BCL11A: variants seen among roughly 807,000 people sequenced by gnomAD.
The protein encoded by BCL11A is B cell CLL/lymphoma 11A.
A neutral mutation model predicts 55.9 loss-of-function variants in BCL11A; 2 were observed. The ratio of observed to expected loss-of-function variants is 0.04; its 90% CI spans 0.01 to 0.11. The LOEUF (loss-of-function observed/expected upper bound fraction) is 0.11. BCL11A is among the 10% of genes least tolerant of loss of function. BCL11A has a pLI of 1.00. For missense variants in BCL11A, 817 were observed against 1,137.1 expected (o/e 0.72, Z 4.05); for synonymous variants, 465 against 473.4 (o/e 0.98, Z 0.23).
intron 1 of BCL11A, chr2:60,550,024 G>C (rs1346095504): frequency 1.3e-5 from 2 of 152,062 alleles, no homozygotes. Context: ...GGGGGGTGTC[G>C]GGCTGCAGAG....
At chr2:60,488,863 G>A (rs1398150876) in intron 2 of BCL11A, among the ~76,000 whole-genome samples, 3 of 152,172 alleles carry the variant, frequency 2.0e-5, no homozygotes, top group Admixed American at 1.3e-4. Flanking sequence ...GGGTTCAAGC[G>A]ATTCTCCTGC....
intron 2 of BCL11A, among the ~76,000 whole-genome samples, chr2:60,473,470 A>AG (rs960824641): frequency 1.2e-3 from 179 of 152,242 alleles, no homozygotes; most frequent in African/African-American, 3.9e-3. Context: ...TCTTCCATGT[A>AG]CCACCTTCTA....
intron 2 of BCL11A, among the ~76,000 whole-genome samples, chr2:60,499,467 C>G (rs1240869039): frequency 6.6e-6 from 1 of 152,178 alleles, no homozygotes; most frequent in Non-Finnish European, 1.5e-5. Flanking sequence ...AGATAAAGAG[C>G]CTGAGGCCCA....
chr2:60,492,615 CCTCT>C (rs3028027), intron 2 of BCL11A, among the ~76,000 whole-genome samples: 138 of 144,480 alleles, frequency 9.6e-4, no homozygotes, highest in African/African-American at 2.4e-3. Context: ...AGTGGGCCTC[CCTCT>C]CTCTCTCTCT....
At chr2:60,515,081 T>C (rs1048712345) in intron 2 of BCL11A, among the ~76,000 whole-genome samples, 1 of 152,090 alleles carries the variant, frequency 6.6e-6, no homozygotes, top group Non-Finnish European at 1.5e-5. Flanking sequence ...AACTCCAAAG[T>C]GTTGCCCAGA....
intron 2 of BCL11A, among the ~76,000 whole-genome samples, chr2:60,517,638 C>A (rs1455521919): frequency 6.6e-6 from 1 of 152,226 alleles, no homozygotes; most frequent in Non-Finnish European, 1.5e-5. Flanking sequence ...CTCCTGCTGG[C>A]CATGGAGAGG....
At position 60,497,512 on chromosome 2, in the gene BCL11A, C is replaced by G. The variant is rs928101165; in HGVS notation, c.386-28679G>C. On this transcript the variant is annotated intron_variant, in intron 2 of 3. Coordinates refer to ENST00000642384, the MANE Select transcript of BCL11A (RefSeq NM_022893.4). ...ATTGAATTAGAACATTCCAGGTAGA[C>G]AGATTCATGGCCCCTAACATCAGGA... Among the ~76,000 whole-genome samples the G allele has an allele frequency of 3.9e-5, 6 of 152,274 alleles. No individual in the cohort carries two copies. The South Asian group carries it at 1.0e-3, about 26-fold the overall frequency.
intron 2 of BCL11A, among the ~76,000 whole-genome samples, chr2:60,470,262 A>G (rs147093044): frequency 1.2e-3 from 184 of 152,320 alleles, no homozygotes; most frequent in South Asian, 6.6e-3. Flanking sequence ...AATAAACACC[A>G]CAAAGTGAAC....
In BCL11A at chr2:60,457,673, T is replaced by TG; in HGVS notation, c.*2730_*2731insC. ...TGAAAAAAACTGCAAAACATTGGTT[T>TG]TTTTTTTTTTTTCCTTTTTTTTTCT... On this transcript the variant is annotated 3_prime_UTR_variant, in exon 4 of 4. Coordinates refer to ENST00000642384, the MANE Select transcript of BCL11A (RefSeq NM_022893.4). The TG allele has an allele frequency of 2.0e-6, 2 of 1,023,068 alleles. No individual in the cohort carries two copies. The highest frequency in any genetic ancestry group is 3.4e-5 in the African/African-American group (2 of 59,198). 63.4% of individuals were successfully genotyped at this position (1,023,068 alleles called of 1,614,324 possible).
chr2:60,467,236 A>G lies in BCL11A; in HGVS notation c.487+1496T>C, dbSNP rs1157802170. ...TGGTACTGGTGATGGTGGTGGTGGT[A>G]GTGATGGTGGTGGTAATGGTGGTGG... is the stretch of plus-strand genomic sequence containing the variant. On this transcript the variant is annotated intron_variant, in intron 3 of 3. Coordinates refer to ENST00000642384, the MANE Select transcript of BCL11A (RefSeq NM_022893.4). 7.3e-3 allele frequency among the ~76,000 whole-genome samples: 285 copies of G among 38,822 alleles called. 1 individual carries two copies. Among genetic ancestry groups the G allele is most frequent in the Non-Finnish European group, 0.011 (196 of 18,476 alleles). The allele number at this position is 38,822 out of a possible 152,430, so 25.5% of individuals were successfully genotyped here.
At chr2:60,486,996 A>G (rs746236698) in intron 2 of BCL11A, among the ~76,000 whole-genome samples, 16 of 152,252 alleles carry the variant, frequency 1.1e-4, no homozygotes, top group Non-Finnish European at 2.1e-4. Flanking sequence ...GGGAGATTCA[A>G]AGCGAAGGCA....
At chr2:60,453,649 C>T (rs1296465221), downstream of BCL11A, among the ~76,000 whole-genome samples, 1 of 152,312 alleles carries the variant, frequency 6.6e-6, no homozygotes, top group South Asian at 2.1e-4. Flanking sequence ...TTAGCTGATA[C>T]CCCAATCAAA....
rs568248470 is a variant in BCL11A, at chr2:60,471,539, G to T, written c.386-2706C>A. On this transcript the variant is annotated intron_variant, in intron 2 of 3. Coordinates refer to ENST00000642384, the MANE Select transcript of BCL11A (RefSeq NM_022893.4). Reference sequence around the variant, plus strand: ...ATGATGCCTTCAATTATTTCATCACGGCTTAGGCAAAGTAAAGTATCACAA... The same window carrying T: ...ATGATGCCTTCAATTATTTCATCACTGCTTAGGCAAAGTAAAGTATCACAA... 6.6e-5 allele frequency among the ~76,000 whole-genome samples: 10 copies of T among 152,282 alleles called. No homozygotes were observed. In the East Asian group the frequency reaches 1.9e-3, roughly 29 times the overall value.
rs1015314400 is a variant in BCL11A, at chr2:60,497,247, T to C, written c.386-28414A>G. On this transcript the variant is annotated intron_variant, in intron 2 of 3. Coordinates refer to ENST00000642384, the MANE Select transcript of BCL11A (RefSeq NM_022893.4). ...CTTAATGAGCTAGAGAAACATTCCA[T>C]TGAAAGGAATACCACTGTGCATCCT... is the stretch of plus-strand genomic sequence containing the variant. 9.2e-5 allele frequency among the ~76,000 whole-genome samples: 14 copies of C among 152,326 alleles called. No homozygotes were observed. In the East Asian group the frequency reaches 1.7e-3, roughly 19 times the overall value.
At chr2:60,456,768 C>A (rs1338313280), downstream of BCL11A, among the ~76,000 whole-genome samples, 9 of 151,922 alleles carry the variant, frequency 5.9e-5, no homozygotes, top group Admixed American at 2.0e-4. Context: ...TTAAAAAAAT[C>A]TTTTTTACAT....
chr2:60,453,590 G>C (rs571842924), downstream of BCL11A, among the ~76,000 whole-genome samples: 4 of 152,354 alleles, frequency 2.6e-5, no homozygotes, highest in East Asian at 5.8e-4. Context: ...GTGGGTTCTG[G>C]GGAATCCCAT....
chr2:60,549,360 A>G (rs1334615996), intron 1 of BCL11A, among the ~76,000 whole-genome samples: 1 of 152,214 alleles, frequency 6.6e-6, no homozygotes, highest in Non-Finnish European at 1.5e-5. Context: ...ATGTGTCTTC[A>G]AGTTTGCTTT....
At chr2:60,493,304 T>C (rs559840927) in intron 2 of BCL11A, among the ~76,000 whole-genome samples, 6 of 151,782 alleles carry the variant, frequency 4.0e-5, no homozygotes, top group African/African-American at 9.7e-5. Flanking sequence ...TTTATAGGAA[T>C]GTATGTCTAC....
intron 2 of BCL11A, chr2:60,541,921 C>G (rs1558511123): frequency 4.2e-6 from 3 of 709,368 alleles, no homozygotes; most frequent in Admixed American, 2.1e-5. Flanking sequence ...CCAGTTCAGT[C>G]TGAGCTAGGA....
Sources: allele counts gnomAD v4.1 joint callset (sites outside exome capture counted in the v4.1 genomes callset), GRCh38; gene constraint gnomAD v4.1.1; transcripts MANE v1.5; gene names NCBI Gene and HGNC (gene_info 2026-07-23, HGNC 2026-07-21).